Variants in ZNF385D observed in about 807,000 individuals in gnomAD.
ZNF385D encodes the protein zinc finger protein 385D, also known as zinc finger protein 659.
ZNF385D carries 15 observed loss-of-function variants against 35.8 expected under a neutral mutation model. That is an observed-to-expected ratio of 0.42 (90% CI 0.28 to 0.64). ZNF385D has a LOEUF of 0.64. Ranked by LOEUF, ZNF385D falls within the 30% of genes least tolerant of loss-of-function variation. ZNF385D has a pLI of 0.23. For synonymous variants in ZNF385D, 212 were observed against 186.8 expected, an observed-to-expected ratio of 1.13 and a Z score of -1.10; for missense variants, 474 against 494.6, an observed-to-expected ratio of 0.96 and a Z score of 0.39.
upstream of ZNF385D, among the ~76,000 whole-genome samples, chr3:21,753,877 T>C (rs1398129011): frequency 2.0e-5 from 3 of 152,148 alleles, no homozygotes. Flanking sequence ...AACCATTTTA[T>C]TCCTGTTTCT....
At chr3:22,355,155 G>T (rs895266662) in intron 2 of ZNF385D, among the ~76,000 whole-genome samples, 1 of 151,844 alleles carries the variant, frequency 6.6e-6, no homozygotes, top group African/African-American at 2.4e-5. Flanking sequence ...ATGCATTTTC[G>T]TTCCTTTATA....
At chr3:21,683,546 G>C (rs1228228399) in intron 1 of ZNF385D, among the ~76,000 whole-genome samples, 1 of 149,454 alleles carries the variant, frequency 6.7e-6, no homozygotes, top group East Asian at 2.0e-4. Flanking sequence ...GAACCTGGGA[G>C]GCGAAGGTTG....
chr3:22,263,752 G>C (rs975163530), intron 2 of ZNF385D, among the ~76,000 whole-genome samples: 2 of 152,094 alleles, frequency 1.3e-5, no homozygotes, highest in Non-Finnish European at 2.9e-5. Flanking sequence ...TATGCCACAA[G>C]ACATTTGGTA....
chr3:21,546,280 G>A (rs1559390405), intron 3 of ZNF385D, among the ~76,000 whole-genome samples: 1 of 152,022 alleles, frequency 6.6e-6, no homozygotes, highest in Non-Finnish European at 1.5e-5. Flanking sequence ...GTAGGAATCC[G>A]GATTGATACT....
intron 3 of ZNF385D, among the ~76,000 whole-genome samples, chr3:21,969,355 A>G (rs1383554759): frequency 6.6e-6 from 1 of 152,038 alleles, no homozygotes; most frequent in African/African-American, 2.4e-5. Flanking sequence ...CATGGTAGGG[A>G]GTTCTCACAA....
chr3:22,281,517 T>TG (rs1417271705), intron 2 of ZNF385D, among the ~76,000 whole-genome samples: 1 of 152,154 alleles, frequency 6.6e-6, no homozygotes, highest in African/African-American at 2.4e-5. Context: ...TTTTTAGTTC[T>TG]GGTTACGTGG....
chr3:21,735,081 C>CAGAGAT (rs2069183117), intron 1 of ZNF385D, among the ~76,000 whole-genome samples: 1 of 150,006 alleles, frequency 6.7e-6, no homozygotes, highest in Non-Finnish European at 1.5e-5. Context: ...TTAGACTCTG[C>CAGAGAT]CGAGTGCAGA....
rs1056597027 is a variant in ZNF385D at position 21,445,123 on chromosome 3, C to A, written c.440-7920G>T. 5.9e-5 allele frequency among the ~76,000 whole-genome samples: 9 copies of A among 152,218 alleles called. 1 individual carries two copies. ...AAAGCTGAGACCTACTTTATATCTT[C>A]AACCTCCACATCTCCGAAATGTTCT... On this transcript the variant is annotated intron_variant, in intron 4 of 7. Transcript: ENST00000281523.
At chr3:22,353,341 C>G (rs998112145) in intron 2 of ZNF385D, among the ~76,000 whole-genome samples, 6 of 152,182 alleles carry the variant, frequency 3.9e-5, no homozygotes, top group African/African-American at 1.4e-4. Context: ...GGACCATGAC[C>G]ATGCCCAAGC....
At chr3:21,670,662 CCCCCCCCCCCCAA>C (rs1559505454) in intron 1 of ZNF385D, among the ~76,000 whole-genome samples, 3,095 of 25,570 alleles carry the variant, frequency 0.12, 532 homozygotes, top group African/African-American at 0.23. Context: ...CCCCCCCCCC[CCCCCCCCCCCCAA>C]TGACTGAACG....
At chr3:22,105,458 G>A (rs1323202426) in intron 3 of ZNF385D, among the ~76,000 whole-genome samples, 1 of 152,070 alleles carries the variant, frequency 6.6e-6, no homozygotes, top group Non-Finnish European at 1.5e-5. Flanking sequence ...GAGAGAAAGA[G>A]AGACTTAATA....
intron 3 of ZNF385D, among the ~76,000 whole-genome samples, chr3:22,077,196 T>C (rs78774008): frequency 3.3e-5 from 5 of 151,970 alleles, no homozygotes; most frequent in Non-Finnish European, 7.4e-5. Context: ...TTGTTCAGAC[T>C]ATATGAATGT....
At chr3:21,433,506 GCTTT>G (rs1701402469) in intron 5 of ZNF385D, among the ~76,000 whole-genome samples, 1 of 152,140 alleles carries the variant, frequency 6.6e-6, no homozygotes, top group Non-Finnish European at 1.5e-5. Flanking sequence ...CTTAACACTG[GCTTT>G]CTAATATCTG....
At chr3:22,323,734 C>A (rs1397009342) in intron 2 of ZNF385D, among the ~76,000 whole-genome samples, 3 of 152,094 alleles carry the variant, frequency 2.0e-5, no homozygotes, top group African/African-American at 4.8e-5. Context: ...TTATTATGTA[C>A]TTAAAATAAG....
intron 3 of ZNF385D, among the ~76,000 whole-genome samples, chr3:21,904,211 G>A (rs981242200): frequency 6.6e-6 from 1 of 150,418 alleles, no homozygotes; most frequent in Non-Finnish European, 1.5e-5. Context: ...GGCTGAGGCA[G>A]GAGAATGGCT....
intron 3 of ZNF385D, among the ~76,000 whole-genome samples, chr3:21,759,354 A>G (rs2070497464): frequency 1.4e-5 from 2 of 148,016 alleles, no homozygotes; most frequent in African/African-American, 2.7e-5. Context: ...AGGACAAATT[A>G]TTATTAAAGA....
At chr3:22,162,631 T>C (rs1021295363) in intron 3 of ZNF385D, among the ~76,000 whole-genome samples, 1 of 152,134 alleles carries the variant, frequency 6.6e-6, no homozygotes, top group Non-Finnish European at 1.5e-5. Flanking sequence ...CCACCCCCCT[T>C]GCACTACGCA....
intron 3 of ZNF385D, among the ~76,000 whole-genome samples, chr3:21,807,944 G>A (rs1403065293): frequency 1.3e-5 from 2 of 152,208 alleles, no homozygotes; most frequent in South Asian, 2.1e-4. Flanking sequence ...TCTGATATTT[G>A]CATTGTCTCA....
intron 2 of ZNF385D, among the ~76,000 whole-genome samples, chr3:22,197,135 A>G (rs1696473443): frequency 6.6e-6 from 1 of 151,868 alleles, no homozygotes; most frequent in South Asian, 2.1e-4. Flanking sequence ...TTTCCCTTTT[A>G]AAGGTGGAAT....
Sources: gnomAD v4.1 joint callset for allele counts (sites outside exome capture counted in the v4.1 genomes callset) on GRCh38, gnomAD v4.1.1 for gene constraint, MANE v1.5 for transcripts, NCBI Gene and HGNC (gene_info 2026-07-23, HGNC 2026-07-21) for gene names.